SLC22A14: variants seen among roughly 807,000 people sequenced by gnomAD.
The protein encoded by SLC22A14 is solute carrier family 22 member 14.
Under a neutral mutation model 53.9 loss-of-function variants are expected in SLC22A14, and 50 were observed. That is an observed-to-expected ratio of 0.93 (90% CI 0.74 to 1.17). The LOEUF (loss-of-function observed/expected upper bound fraction) is 1.17, where lower values mean the gene tolerates loss of function less well. Among genes scored for constraint, SLC22A14 ranks in the 50% most tolerant of loss-of-function variants. The probability of loss-of-function intolerance (pLI) is 0.00; values close to 1 mark genes in which losing one functional copy is unlikely to be tolerated. For missense variants in SLC22A14, 671 were observed against 734.7 expected, an observed-to-expected ratio of 0.91 and a Z score of 1.00; for synonymous variants, 312 against 303.0, an observed-to-expected ratio of 1.03 and a Z score of -0.31.
At position 38,306,183 on chromosome 3, in the gene SLC22A14, G is replaced by A. The variant is rs1704295709; in HGVS notation, c.157G>A (p.Ala53Thr). ...AVHTKQDDKFANLLDAVGEFG... is the reference protein window; with the variant it reads ...AVHTKQDDKFTNLLDAVGEFG... ...CCACACCAAGCAGGATGACAAGTTTGCCAACCTCCTGGATGCGGTGGGGGA... is the reference window on the plus strand; with the variant it reads ...CCACACCAAGCAGGATGACAAGTTTACCAACCTCCTGGATGCGGTGGGGGA... Residue 53 changes from alanine (A) to threonine (T), a missense_variant, in exon 2 of 11, where the codon GCC becomes ACC. By Grantham distance (58) the Ala-to-Thr change is moderately conservative. Transcript: ENST00000448498. 1.2e-6 allele frequency: 2 copies of A among 1,614,074 alleles called. No homozygotes were observed. Among genetic ancestry groups the A allele is most frequent in the African/African-American group, 2.7e-5 (2 of 74,934 alleles).
At chr3:38,314,637 A>AG (rs1289740681) in intron 8 of SLC22A14, among the ~76,000 whole-genome samples, 1 of 152,234 alleles carries the variant, frequency 6.6e-6, no homozygotes. Flanking sequence ...CAGCAAGGGC[A>AG]GGGGAGGCTA....
intron 5 of SLC22A14, among the ~76,000 whole-genome samples, 167 bp downstream of exon 5, chr3:38,309,289 C>T (rs1228212691): frequency 6.6e-6 from 1 of 152,142 alleles, no homozygotes; most frequent in East Asian, 1.9e-4. Context: ...CTCTGAACCT[C>T]AGCATTAACC....
intron 4 of SLC22A14, among the ~76,000 whole-genome samples, chr3:38,308,598 G>A (rs748793513): frequency 2.0e-5 from 3 of 152,214 alleles, no homozygotes; most frequent in Non-Finnish European, 4.4e-5. Flanking sequence ...TACACTCAGA[G>A]CAAAAACAAG....
chr3:38,298,401 G>T (rs1410320924), intron 1 of SLC22A14, among the ~76,000 whole-genome samples: 1 of 151,776 alleles, frequency 6.6e-6, no homozygotes, highest in African/African-American at 2.4e-5. Context: ...GTGGACAGAG[G>T]TAGAAAATAG....
intron 9 of SLC22A14, 143 bp from the exon 10 acceptor site, chr3:38,316,181 A>C: frequency 2.8e-6 from 2 of 718,318 alleles, no homozygotes; most frequent in Non-Finnish European, 4.7e-6. Flanking sequence ...GAGGCCCAGA[A>C]GAAATTATTG....
intron 7 of SLC22A14, 37 bp from the exon 8 acceptor site, chr3:38,313,690 G>GCGCGCA (rs747447735): frequency 1.4e-6 from 2 of 1,395,148 alleles, no homozygotes; most frequent in Non-Finnish European, 2.0e-6. Flanking sequence ...GTGTGTGCGC[G>GCGCGCA]CGTGTGCACG....
In SLC22A14 at chr3:38,313,410, T is replaced by C. The variant is rs1429816956; in HGVS notation, c.1088T>C (p.Val363Ala). The C allele has an allele frequency of 9.3e-6, 15 of 1,613,658 alleles. No homozygotes were observed. Among genetic ancestry groups the C allele is most frequent in the Non-Finnish European group, 1.3e-5 (15 of 1,179,648 alleles). The change falls in exon 7 of 11, where the codon GTG becomes GCG. Residue 363 changes from valine to alanine, a missense_variant. Coordinates refer to ENST00000448498, the MANE Select transcript of SLC22A14 (RefSeq NM_001320033.2). ...LDELQLPRKK[V>A]TRASVLDFCK... ...TAGCTGCAGCTGCCCAGAAAGAAGG[T>C]GACTCGGGCCTCTGTCCTGGACTTC...
intron 1 of SLC22A14, chr3:38,305,611 C>T (rs898814316): frequency 3.4e-5 from 6 of 174,610 alleles, no homozygotes; most frequent in African/African-American, 1.4e-4. Context: ...GGGCCCACCT[C>T]CTGGCTACAG....
chr3:38,313,646 G>A, intron 7 of SLC22A14, 81 bp from the exon 8 acceptor site: 2 of 1,018,174 alleles, frequency 2.0e-6, no homozygotes, highest in Admixed American at 3.8e-5. Context: ...CCTGACCCTT[G>A]CTGCTCTGCC....
Position 38,315,591 on chromosome 3 carries a change from G to T in SLC22A14, c.1412G>T (p.Cys471Phe), listed in dbSNP as rs896508148. The T allele has an allele frequency of 1.1e-5, 18 of 1,613,980 alleles. No homozygotes were observed. The Middle Eastern group carries it at 6.6e-4, about 59-fold the overall frequency. Residue 471 changes from cysteine (C) to phenylalanine (F), a missense_variant, in exon 9 of 11, where the codon TGT becomes TTT. Transcript: ENST00000448498. ...GGCCTCAGACTCAAGTGGCCACGTTGTCCGGCCACAGAGCTGAAATCCATG... is the reference window on the plus strand; with the variant it reads ...GGCCTCAGACTCAAGTGGCCACGTTTTCCGGCCACAGAGCTGAAATCCATG... ...EDGLRLKWPR[C>F]PATELKSMTI...
rs770467278 is a variant in SLC22A14, at chr3:38,318,293, T to C, written c.*44T>C. 4 of 1,544,416 alleles carry C rather than the reference T, an allele frequency of 2.6e-6. No homozygotes were observed. Among genetic ancestry groups the C allele is most frequent in the East Asian group, 4.5e-5 (2 of 44,564 alleles). On this transcript the variant is annotated 3_prime_UTR_variant, in exon 11 of 11. Coordinates refer to ENST00000448498, the MANE Select transcript of SLC22A14 (RefSeq NM_001320033.2). ...CATTCTCAATGCCCAGATCCTGAGA[T>C]TGGACCCATACCCTGTCTCCAACCC... is the stretch of plus-strand genomic sequence containing the variant.
chr3:38,280,496 A>G (rs1050737137), upstream of SLC22A14, among the ~76,000 whole-genome samples: 1 of 152,198 alleles, frequency 6.6e-6, no homozygotes, highest in Non-Finnish European at 1.5e-5. Context: ...AGCTGGTATG[A>G]ATATTTGTTC....
At chr3:38,295,144 C>T (rs1704001332) in intron 1 of SLC22A14, among the ~76,000 whole-genome samples, 1 of 152,146 alleles carries the variant, frequency 6.6e-6, no homozygotes, top group Non-Finnish European at 1.5e-5. Context: ...ATTGTCCTGT[C>T]CTGAAGGGAA....
chr3:38,316,385 A>G lies in SLC22A14; in HGVS notation c.1594A>G (p.Ile532Val), dbSNP rs777489276. Residue 532 changes from isoleucine (I) to valine (V), a missense_variant, in exon 10 of 11, where the codon ATC (isoleucine) becomes GTC (valine). Transcript: ENST00000448498. ...GGCTGGAGCCATCTTGTCCCTGACA[A>G]TCATCAGCCAGACCCCCTCCCTCCT... ...SVAGAILSLT[I>V]ISQTPSLLPI... 6 of 1,614,076 alleles carry G rather than the reference A, an allele frequency of 3.7e-6. No individual in the cohort carries two copies. Among genetic ancestry groups the G allele is most frequent in the South Asian group, 1.1e-5 (1 of 91,082 alleles).
chr3:38,315,558 G>C lies in SLC22A14; in HGVS notation c.1379G>C (p.Gly460Ala). ...AGTGGAACTCCTTCACCCACCCCAG[G>C]GGAGGATGGCCTCAGACTCAAGTGG... ...WCLLLLFLPE[G>A]EDGLRLKWPR... Residue 460 changes from glycine (G) to alanine (A), a missense_variant and splice_region_variant, in exon 9 of 11, where the codon GGG (glycine) becomes GCG (alanine). Physicochemically the swap from Gly to Ala is moderately conservative, Grantham distance 60. Transcript: ENST00000448498. 6.2e-7 allele frequency: 1 copy of C among 1,613,620 alleles called. No individual in the cohort carries two copies. Among genetic ancestry groups the C allele is most frequent in the Non-Finnish European group, 8.5e-7 (1 of 1,179,794 alleles).
intron 1 of SLC22A14, among the ~76,000 whole-genome samples, chr3:38,295,550 G>A (rs1704013383): frequency 6.6e-6 from 1 of 152,168 alleles, no homozygotes; most frequent in African/African-American, 2.4e-5. Context: ...TGACAACAAG[G>A]TAGTATTGGA....
intron 1 of SLC22A14, among the ~76,000 whole-genome samples, chr3:38,302,198 C>CA (rs1376348583): frequency 6.8e-6 from 1 of 147,084 alleles, no homozygotes; most frequent in African/African-American, 2.5e-5. Flanking sequence ...GGCATCACTG[C>CA]ACTCCAGGCT....
intron 1 of SLC22A14, among the ~76,000 whole-genome samples, chr3:38,291,588 A>G (rs1703915270): frequency 6.6e-6 from 1 of 152,258 alleles, no homozygotes; most frequent in Non-Finnish European, 1.5e-5. Flanking sequence ...ACCCGTAAAC[A>G]GTGAGGCCAA....
intron 1 of SLC22A14, among the ~76,000 whole-genome samples, chr3:38,285,757 C>T (rs1703778065): frequency 6.6e-6 from 1 of 152,094 alleles, no homozygotes; most frequent in Non-Finnish European, 1.5e-5. Flanking sequence ...GTACTTATTT[C>T]CTGGATCATA....
Sources: gnomAD v4.1 joint callset for allele counts (sites outside exome capture counted in the v4.1 genomes callset) on GRCh38, gnomAD v4.1.1 for gene constraint, MANE v1.5 for transcripts, NCBI Gene and HGNC (gene_info 2026-07-23, HGNC 2026-07-21) for gene names.